Variants in PREP observed in about 807,000 individuals in gnomAD.
PREP encodes dJ355L5.1 (prolyl endopeptidase).
A neutral mutation model predicts 87.6 loss-of-function variants in PREP; 29 were observed. The ratio of observed to expected loss-of-function variants is 0.33; its 90% CI spans 0.25 to 0.45. PREP has a LOEUF of 0.45. Ranked by LOEUF, PREP falls within the 20% of genes least tolerant of loss-of-function variation. The probability of loss-of-function intolerance (pLI) is 1.00; values close to 1 mark genes in which losing one functional copy is unlikely to be tolerated. For missense variants in PREP, 695 were observed against 886.5 expected, an observed-to-expected ratio of 0.78 and a Z score of 2.74; for synonymous variants, 337 against 328.6, an observed-to-expected ratio of 1.03 and a Z score of -0.28.
chr6:105,395,931 C>G (rs559119882), intron 2 of PREP, among the ~76,000 whole-genome samples: 1 of 152,212 alleles, frequency 6.6e-6, no homozygotes, highest in Non-Finnish European at 1.5e-5. Flanking sequence ...ATGTGACTCT[C>G]CACTCCCAGA....
chr6:105,344,507 A>G (rs1224241643), intron 7 of PREP, among the ~76,000 whole-genome samples: 10 of 149,876 alleles, frequency 6.7e-5, no homozygotes, highest in Non-Finnish European at 1.2e-4. Context: ...AAAAAAAAAA[A>G]GGATGAGTTC....
intron 1 of PREP, among the ~76,000 whole-genome samples, chr6:105,398,355 C>T (rs1246111559): frequency 2.0e-5 from 3 of 152,176 alleles, no homozygotes; most frequent in African/African-American, 7.2e-5. Context: ...CGCTGAGCTT[C>T]CCAATGATTA....
Position 105,388,547 on chromosome 6 carries a change from C to T in PREP, c.120+9306G>A, listed in dbSNP as rs77535657. ...AGGAGTAGCCCAGTACCAGCAACTT[C>T]CTCATACTTTTGACAATTATCCCAT... On this transcript the variant is annotated intron_variant, in intron 2 of 14. Transcript: ENST00000652536. 3.7e-4 allele frequency among the ~76,000 whole-genome samples: 56 copies of T among 152,220 alleles called. 1 individual carries two copies. In the East Asian group the frequency reaches 0.011, roughly 29 times the overall value.
intron 2 of PREP, among the ~76,000 whole-genome samples, chr6:105,384,986 T>C (rs56100123): frequency 0.015 from 2,248 of 152,086 alleles, 49 homozygotes; most frequent in African/African-American, 0.049. Flanking sequence ...CTGGTCTGAG[T>C]TGGGATTCAG....
At chr6:105,361,160 CAAAGT>C (rs1455810166) in intron 6 of PREP, among the ~76,000 whole-genome samples, 7 of 151,992 alleles carry the variant, frequency 4.6e-5, no homozygotes, top group Non-Finnish European at 8.8e-5. Flanking sequence ...TCCAAATGAC[CAAAGT>C]AAACAAGCCT....
chr6:105,297,623 T>G (rs895118448), intron 10 of PREP, among the ~76,000 whole-genome samples: 4 of 152,222 alleles, frequency 2.6e-5, no homozygotes, highest in African/African-American at 9.6e-5. Context: ...AAAGCTTTTA[T>G]GGGACCCTCA....
At chr6:105,352,875 TG>T (rs1771995412) in intron 7 of PREP, 96 bp downstream of exon 7, 2 of 1,055,316 alleles carry the variant, frequency 1.9e-6, no homozygotes, top group South Asian at 3.0e-5. Context: ...TGTGGTAGAA[TG>T]GAAGAGGGTC....
chr6:105,284,258 C>T (rs1032015995), intron 12 of PREP, among the ~76,000 whole-genome samples: 2 of 152,118 alleles, frequency 1.3e-5, no homozygotes, highest in African/African-American at 4.8e-5. Flanking sequence ...AGATGGCCGG[C>T]CAGGGGCACT....
chr6:105,327,883 C>A (rs1240378737), intron 9 of PREP, among the ~76,000 whole-genome samples: 1 of 151,862 alleles, frequency 6.6e-6, no homozygotes, highest in Admixed American at 6.6e-5. Context: ...CATGACGCTA[C>A]AAAAACAGTG....
rs1223609419 is a variant in PREP, at chr6:105,277,087, C to T, written c.*1057G>A. Among the ~76,000 whole-genome samples the T allele has an allele frequency of 1.3e-5, 2 of 151,100 alleles. No individual in the cohort carries two copies. Among genetic ancestry groups the T allele is most frequent in the East Asian group, 3.9e-4 (2 of 5,160 alleles). ...TTTCATGAAATGTTAAAATATATGC[C>T]TTGAAAAAAATTTTATGGATGAAAG... On this transcript the variant is annotated 3_prime_UTR_variant, in exon 15 of 15. Coordinates refer to ENST00000652536, the MANE Select transcript of PREP (RefSeq NM_002726.5).
intron 2 of PREP, among the ~76,000 whole-genome samples, chr6:105,389,835 G>A (rs984995349): frequency 6.6e-6 from 1 of 152,048 alleles, no homozygotes; most frequent in Non-Finnish European, 1.5e-5. Context: ...ACACCAGAAA[G>A]AACAGAAACT....
chr6:105,295,157 C>CTTTTTTTTTTTTTTTTT (rs10586996), intron 10 of PREP, among the ~76,000 whole-genome samples: 1 of 132,588 alleles, frequency 7.5e-6, no homozygotes, highest in Non-Finnish European at 1.7e-5. Context: ...CAATGTTTTC[C>CTTTTTTTTTTTTTTTTT]TTTTTTTTTT....
intron 6 of PREP, among the ~76,000 whole-genome samples, chr6:105,367,222 T>C (rs1213774888): frequency 6.6e-6 from 1 of 152,190 alleles, no homozygotes; most frequent in Non-Finnish European, 1.5e-5. Flanking sequence ...GTAAAAAATG[T>C]ACATTATTTC....
chr6:105,323,178 C>T lies in PREP; in HGVS notation c.1317+487G>A, dbSNP rs192562028. On this transcript the variant is annotated intron_variant, in intron 10 of 14. Coordinates refer to ENST00000652536, the MANE Select transcript of PREP (RefSeq NM_002726.5). Reference sequence around the variant, plus strand: ...TGGCCAAAGACGAAGCTTGTGGTGACATGACAATTAATTAATTTATTCATT... The same window carrying T: ...TGGCCAAAGACGAAGCTTGTGGTGATATGACAATTAATTAATTTATTCATT... The T allele has an allele frequency of 1.5e-5, 18 of 1,173,284 alleles. No homozygotes were observed. In the East Asian group the frequency reaches 9.7e-4, roughly 63 times the overall value. 72.7% of individuals were successfully genotyped at this position (1,173,284 alleles called of 1,614,324 possible). A position where few individuals can be genotyped will look rare whatever the true frequency, so the allele number is the denominator to read the frequency against.
At chr6:105,338,290 C>T (rs1431192473) in intron 7 of PREP, among the ~76,000 whole-genome samples, 1 of 152,202 alleles carries the variant, frequency 6.6e-6, no homozygotes, top group Non-Finnish European at 1.5e-5. Flanking sequence ...TTTGTTATGA[C>T]CCCTCCCTAC....
At chr6:105,330,673 GA>G (rs1250441893) in intron 8 of PREP, among the ~76,000 whole-genome samples, 1 of 152,122 alleles carries the variant, frequency 6.6e-6, no homozygotes, top group Non-Finnish European at 1.5e-5. Context: ...GTTTCATGTG[GA>G]AGGGGGGGGT....
chr6:105,284,921 T>C (rs1200222965), intron 12 of PREP, among the ~76,000 whole-genome samples: 4 of 152,246 alleles, frequency 2.6e-5, no homozygotes, highest in Non-Finnish European at 4.4e-5. Flanking sequence ...GAAAAATGAT[T>C]GTTTTTGTGT....
intron 1 of PREP, among the ~76,000 whole-genome samples, chr6:105,401,156 T>C (rs1366374698): frequency 1.3e-5 from 2 of 152,230 alleles, no homozygotes; most frequent in East Asian, 3.9e-4. Flanking sequence ...GACGTCTTCA[T>C]AAAATCCTCA....
chr6:105,339,171 C>A (rs1046949265), intron 7 of PREP, among the ~76,000 whole-genome samples: 1 of 152,156 alleles, frequency 6.6e-6, no homozygotes, highest in Non-Finnish European at 1.5e-5. Flanking sequence ...GCCGGGTGCC[C>A]CTCTGAGATG....
Sources: allele counts gnomAD v4.1 joint callset (sites outside exome capture counted in the v4.1 genomes callset), GRCh38; gene constraint gnomAD v4.1.1; transcripts MANE v1.5; gene names NCBI Gene and HGNC (gene_info 2026-07-23, HGNC 2026-07-21).